PALLD: variants seen among roughly 807,000 people sequenced by gnomAD.
The protein encoded by PALLD is palladin.
A neutral mutation model predicts 123.5 loss-of-function variants in PALLD; 61 were observed. That is an observed-to-expected ratio of 0.49 (90% CI 0.40 to 0.61). PALLD has a LOEUF of 0.61. Among genes scored for constraint, PALLD ranks in the 20% least tolerant of loss-of-function variants. The pLI is 0.00. For synonymous variants in PALLD, 465 were observed against 496.4 expected (o/e 0.94, Z 0.84); for missense variants, 1,273 against 1,377.0 (o/e 0.92, Z 1.20).
At chr4:168,705,572 C>T (rs1258157824) in intron 8 of PALLD, among the ~76,000 whole-genome samples, 1 of 152,134 alleles carries the variant, frequency 6.6e-6, no homozygotes, top group African/African-American at 2.4e-5. Flanking sequence ...CAACTTCTTC[C>T]TGATTTTAAT....
chr4:168,861,828 T>C (rs1405040298), intron 10 of PALLD, among the ~76,000 whole-genome samples: 1 of 151,840 alleles, frequency 6.6e-6, no homozygotes, highest in African/African-American at 2.4e-5. Flanking sequence ...GCTAATTTTT[T>C]AGTTTTCTGT....
At position 168,519,341 on chromosome 4, in the gene PALLD, A is replaced by C. The variant is rs62333835; in HGVS notation, c.908+6929A>C. On this transcript the variant is annotated intron_variant, in intron 2 of 21. Coordinates refer to ENST00000505667, the MANE Select transcript of PALLD (RefSeq NM_001166108.2). ...ACTTTCATGTTAATCTACTATCCTCATGATGTATCAATAAGTTCAGCAGCA... is the reference window on the plus strand; with the variant it reads ...ACTTTCATGTTAATCTACTATCCTCCTGATGTATCAATAAGTTCAGCAGCA... Among the ~76,000 whole-genome samples, 895 of 152,346 alleles carry C rather than the reference A, an allele frequency of 5.9e-3. 6 individuals carry two copies. Among genetic ancestry groups the C allele is most frequent in the Non-Finnish European group, 8.8e-3 (596 of 68,042 alleles).
intron 2 of PALLD, among the ~76,000 whole-genome samples, chr4:168,656,703 C>T (rs759277301): frequency 7.2e-5 from 11 of 152,228 alleles, no homozygotes; most frequent in South Asian, 6.2e-4. Flanking sequence ...CCTGCATATC[C>T]AGATTGTGGG....
intron 6 of PALLD, among the ~76,000 whole-genome samples, chr4:168,688,779 G>GAA (rs111498400): frequency 3.4e-5 from 5 of 146,190 alleles, no homozygotes; most frequent in African/African-American, 5.0e-5. Flanking sequence ...TTCCGACACT[G>GAA]AAAAAAAAAA....
intron 2 of PALLD, among the ~76,000 whole-genome samples, chr4:168,563,978 AC>A (rs1358766005): frequency 6.6e-6 from 1 of 152,186 alleles, no homozygotes; most frequent in Admixed American, 6.5e-5. Context: ...TACACCTCGT[AC>A]CCATTAAGTA....
intron 10 of PALLD, among the ~76,000 whole-genome samples, chr4:168,758,049 C>T (rs113433750): frequency 9.2e-5 from 14 of 152,114 alleles, no homozygotes; most frequent in Admixed American, 5.9e-4. Flanking sequence ...CCAGCCTGGG[C>T]GACAGAGCGA....
At chr4:168,644,734 G>A (rs758548430) in intron 2 of PALLD, among the ~76,000 whole-genome samples, 3 of 152,064 alleles carry the variant, frequency 2.0e-5, no homozygotes, top group Non-Finnish European at 2.9e-5. Context: ...TTCCTTTTTC[G>A]TGCCTATAGT....
At chr4:168,696,120 G>A (rs1278813136) in intron 8 of PALLD, among the ~76,000 whole-genome samples, 1 of 152,118 alleles carries the variant, frequency 6.6e-6, no homozygotes, top group Non-Finnish European at 1.5e-5. Context: ...GGCCACATGT[G>A]GCTCAGAGGC....
chr4:168,705,190 C>T (rs1581061929), intron 8 of PALLD, among the ~76,000 whole-genome samples: 1 of 152,094 alleles, frequency 6.6e-6, no homozygotes, highest in Non-Finnish European at 1.5e-5. Context: ...AGAGTGTAAG[C>T]TTTTGGAGTT....
chr4:168,891,152 A>T (rs1269881599), intron 11 of PALLD, 95 bp downstream of exon 11: 3 of 1,158,830 alleles, frequency 2.6e-6, no homozygotes, highest in African/African-American at 3.0e-5. Context: ...TTTGTCCACA[A>T]CATCATCATT....
At chr4:168,665,685 A>C (rs1779578094) in intron 2 of PALLD, among the ~76,000 whole-genome samples, 1 of 152,218 alleles carries the variant, frequency 6.6e-6, no homozygotes, top group Admixed American at 6.5e-5. Context: ...CTTAAAGTGC[A>C]CATGATCACC....
At chr4:168,590,970 C>A (rs554161901) in intron 2 of PALLD, among the ~76,000 whole-genome samples, 2 of 147,372 alleles carry the variant, frequency 1.4e-5, no homozygotes, top group East Asian at 2.1e-4. Flanking sequence ...ACCTCCTCCC[C>A]CCAGGTTCAA....
chr4:168,778,631 A>G (rs760856963), intron 10 of PALLD, among the ~76,000 whole-genome samples: 3 of 152,212 alleles, frequency 2.0e-5, no homozygotes, highest in Non-Finnish European at 4.4e-5. Flanking sequence ...GGTACTGATT[A>G]TGTACCAAGC....
chr4:168,898,615 A>C lies in PALLD; in HGVS notation c.2373A>C (p.Gly791=), dbSNP rs753607867. 6.2e-7 allele frequency: 1 copy of C among 1,614,002 alleles called. No homozygotes were observed. The highest frequency in any genetic ancestry group is 1.7e-5 in the Admixed American group (1 of 60,022). The change falls in exon 14 of 22, where the codon GGA becomes GGC. Residue 791 remains glycine, a synonymous_variant. Coordinates refer to ENST00000505667, the MANE Select transcript of PALLD (RefSeq NM_001166108.2). ...ATGGAGATGTGCCTGTGGAAAATGG[A>C]ATGGCACCATTCTTTGAGATGAAGC... ...VQYGDVPVEN[G]MAPFFEMKLK...
chr4:168,617,070 G>A (rs554326903), intron 2 of PALLD, among the ~76,000 whole-genome samples: 1 of 152,062 alleles, frequency 6.6e-6, no homozygotes, highest in East Asian at 1.9e-4. Context: ...GGCTGGAATC[G>A]GGGCATCATG....
At chr4:168,796,603 G>A (rs545232799) in intron 10 of PALLD, among the ~76,000 whole-genome samples, 40 of 152,318 alleles carry the variant, frequency 2.6e-4, no homozygotes, top group African/African-American at 9.4e-4. Context: ...GAATGAGTAA[G>A]AGGTTCCATC....
At chr4:168,647,863 C>G (rs1334881993) in intron 2 of PALLD, 2 of 151,922 alleles carry the variant, frequency 1.3e-5, no homozygotes, top group South Asian at 2.1e-4. Flanking sequence ...TTCAGAGCTC[C>G]CTTCATGTAA....
At chr4:168,635,477 C>T (rs1328637481) in intron 2 of PALLD, among the ~76,000 whole-genome samples, 1 of 152,224 alleles carries the variant, frequency 6.6e-6, no homozygotes, top group African/African-American at 2.4e-5. Flanking sequence ...AATCTCTGTC[C>T]AGCATGAACT....
At chr4:168,756,561 G>A (rs77971498) in intron 10 of PALLD, among the ~76,000 whole-genome samples, 2,812 of 152,294 alleles carry the variant, frequency 0.018, 89 homozygotes, top group East Asian at 0.17. Context: ...AAGGGAAAGA[G>A]AAGGATTGAG....
Sources: allele counts gnomAD v4.1 joint callset (sites outside exome capture counted in the v4.1 genomes callset), GRCh38; gene constraint gnomAD v4.1.1; transcripts MANE v1.5; gene names NCBI Gene and HGNC (gene_info 2026-07-23, HGNC 2026-07-21).